STON1: variants seen among roughly 807,000 people sequenced by gnomAD.
STON1 encodes the protein stonin-1.
Under a neutral mutation model 60.9 loss-of-function variants are expected in STON1, and 79 were observed. That is an observed-to-expected ratio of 1.30 (90% CI 1.08 to 1.56). The LOEUF is 1.56. Ranked by LOEUF, STON1 falls within the 40% of genes most tolerant of loss-of-function variation. STON1 has a pLI of 0.00. For missense variants in STON1, 1,166 were observed against 858.9 expected, an observed-to-expected ratio of 1.36 and a Z score of -4.47; for synonymous variants, 363 against 306.9, an observed-to-expected ratio of 1.18 and a Z score of -1.91.
chr2:48,560,528 A>C (rs1306695368), intron 1 of STON1, among the ~76,000 whole-genome samples: 2 of 152,198 alleles, frequency 1.3e-5, no homozygotes, highest in East Asian at 1.9e-4. Context: ...TCTTTGCCTG[A>C]ACGAAGCCTG....
At chr2:48,564,931 C>G (rs980685322) in intron 1 of STON1, among the ~76,000 whole-genome samples, 1 of 148,518 alleles carries the variant, frequency 6.7e-6, no homozygotes, top group African/African-American at 2.5e-5. Context: ...CGGGGTTTCA[C>G]CATGTTGGGC....
Position 48,582,680 on chromosome 2 carries a change from T to C in STON1, c.1930+117T>C. The C allele has an allele frequency of 2.0e-6, 3 of 1,468,940 alleles. No individual in the cohort carries two copies. In the South Asian group the frequency reaches 4.3e-5, roughly 21 times the overall value. 91.0% of individuals were successfully genotyped at this position (1,468,940 alleles called of 1,614,324 possible). On this transcript the variant is annotated intron_variant, in intron 2 of 3. Coordinates refer to ENST00000404752, the MANE Select transcript of STON1 (RefSeq NM_006873.4). ...GGCAATTTGTCAGCTGAGGCTGTGC[T>C]TTGGGGTAGGAGATGGAACATTTAG...
intron 1 of STON1, among the ~76,000 whole-genome samples, chr2:48,561,627 G>A (rs965375892): frequency 3.3e-5 from 5 of 152,178 alleles, no homozygotes; most frequent in African/African-American, 1.2e-4. Flanking sequence ...ATGTTTAGCA[G>A]CATCTCTGGC....
chr2:48,587,519 C>T (rs544297433), intron 2 of STON1, among the ~76,000 whole-genome samples: 4 of 152,320 alleles, frequency 2.6e-5, no homozygotes, highest in South Asian at 4.1e-4. Context: ...TCTCAAACTC[C>T]TGACCTCGTG....
Position 48,580,552 on chromosome 2 carries a change from A to G in STON1, c.-47-35A>G, listed in dbSNP as rs917675988. On this transcript the variant is annotated intron_variant, in intron 1 of 3. Transcript: ENST00000404752. ...GTAATGATTCCCCCCTTCATTTTAT[A>G]TACCTATTTTCTCTTTATTTTATTT... 9 of 1,315,194 alleles carry G rather than the reference A, an allele frequency of 6.8e-6. No individual in the cohort carries two copies. The Admixed American group carries it at 9.2e-5, about 13-fold the overall frequency. The allele number at this position is 1,315,194 out of a possible 1,614,324, so 81.5% of individuals were successfully genotyped here.
rs771773154 is a variant in STON1, at chr2:48,581,694, A to T, written c.1061A>T (p.Tyr354Phe). 1 of 1,611,956 alleles carries T rather than the reference A, an allele frequency of 6.2e-7. No individual in the cohort carries two copies. The highest frequency in any genetic ancestry group is 1.1e-5 in the South Asian group (1 of 90,472). The change falls in exon 2 of 4, where the codon TAC becomes TTC. Residue 354 changes from tyrosine to phenylalanine, a missense_variant. By Grantham distance (22) the Tyr-to-Phe change is conservative. Coordinates refer to ENST00000404752, the MANE Select transcript of STON1 (RefSeq NM_006873.4). ...ACTGTGAAGATTGAACATGTGTCTT[A>T]CACAGAAAAAAGGAAATACCATTCT... ...IHTVKIEHVS[Y>F]TEKRKYHSKT... is the part of the protein sequence containing the mutation.
chr2:48,530,329 C>G, intron 1 of STON1, 113 bp downstream of exon 1: 1 of 287,942 alleles, frequency 3.5e-6, no homozygotes, highest in East Asian at 1.5e-4. Context: ...ACGCGGGCAT[C>G]TCCAGGGCCG....
In STON1 at chr2:48,595,485, T is replaced by G; in HGVS notation, c.*183T>G. 1.1e-5 allele frequency: 6 copies of G among 569,224 alleles called. No homozygotes were observed. The highest frequency in any genetic ancestry group is 1.8e-5 in the Non-Finnish European group (6 of 324,388). The allele number at this position is 569,224 out of a possible 1,614,324, so 35.3% of individuals were successfully genotyped here. Reference sequence around the variant, plus strand: ...CAATCTGTATTTTTTGCTTTTCATGTGTTTTTGTCCTAGGGGTTCGATCTA... The same window carrying G: ...CAATCTGTATTTTTTGCTTTTCATGGGTTTTTGTCCTAGGGGTTCGATCTA... On this transcript the variant is annotated 3_prime_UTR_variant, in exon 4 of 4. Coordinates refer to ENST00000404752, the MANE Select transcript of STON1 (RefSeq NM_006873.4).
chr2:48,558,966 A>T (rs1558596452), intron 1 of STON1, among the ~76,000 whole-genome samples: 1 of 152,332 alleles, frequency 6.6e-6, no homozygotes, highest in East Asian at 1.9e-4. Flanking sequence ...GACCTTTTCG[A>T]ATGCTGACCT....
Position 48,597,190 on chromosome 2 carries a change from A to AGGC in STON1, c.*1888_*1889insGGC, listed in dbSNP as rs1674818237. The AGGC allele has an allele frequency of 6.6e-6, 1 of 152,164 alleles. No homozygotes were observed. Among genetic ancestry groups the AGGC allele is most frequent in the Non-Finnish European group, 1.5e-5 (1 of 68,036 alleles). 9.4% of individuals were successfully genotyped at this position (152,164 alleles called of 1,614,324 possible). A position where few individuals can be genotyped will look rare whatever the true frequency, so the allele number is the denominator to read the frequency against. ...TTTAACTTCATTTGATGCCTTGCTT[A>AGGC]TAATATCATATGCTTGAGGCTCACT... On this transcript the variant is annotated 3_prime_UTR_variant, in exon 4 of 4. Transcript: ENST00000404752.
Position 48,597,453 on chromosome 2 carries a change from T to C in STON1, c.*2151T>C, listed in dbSNP as rs1674830566. ...GCCCACAAAGAACTCACAGTCTGAT[T>C]AGGATGAACTTAATGACTATTTACA... On this transcript the variant is annotated 3_prime_UTR_variant, in exon 4 of 4. Coordinates refer to ENST00000404752, the MANE Select transcript of STON1 (RefSeq NM_006873.4). 1 of 152,176 alleles carries C rather than the reference T, an allele frequency of 6.6e-6. No homozygotes were observed. Among genetic ancestry groups the C allele is most frequent in the South Asian group, 2.1e-4 (1 of 4,834 alleles). 9.4% of individuals were successfully genotyped at this position (152,176 alleles called of 1,614,324 possible).
chr2:48,586,589 G>T (rs769405305), intron 2 of STON1, among the ~76,000 whole-genome samples: 1 of 152,216 alleles, frequency 6.6e-6, no homozygotes, highest in African/African-American at 2.4e-5. Flanking sequence ...AGAACCACAG[G>T]TGTGTGGGTG....
At chr2:48,584,667 C>T (rs1464321316) in intron 2 of STON1, among the ~76,000 whole-genome samples, 1 of 132,664 alleles carries the variant, frequency 7.5e-6, no homozygotes, top group African/African-American at 2.8e-5. Flanking sequence ...CGGGGGTGGG[C>T]GGTGGGGAGG....
intron 1 of STON1, among the ~76,000 whole-genome samples, chr2:48,564,608 CCTT>C (rs1672842524): frequency 1.3e-5 from 1 of 74,594 alleles, no homozygotes. Flanking sequence ...TCCTCCTTCT[CCTT>C]CTCCTTCTCC....
At position 48,597,952 on chromosome 2, in the gene STON1, A is replaced by C. The variant is rs2103979269; in HGVS notation, c.*2650A>C. On this transcript the variant is annotated 3_prime_UTR_variant, in exon 4 of 4. Coordinates refer to ENST00000404752, the MANE Select transcript of STON1 (RefSeq NM_006873.4). ...TTTTAGGGGAGGGAAGCGGGGAAGG[A>C]AAGGAATGAGGGAGGAAATATTCCT... 1 of 152,292 alleles carries C rather than the reference A, an allele frequency of 6.6e-6. No homozygotes were observed. The highest frequency in any genetic ancestry group is 2.4e-5 in the African/African-American group (1 of 41,570). The allele number at this position is 152,292 out of a possible 1,614,324, so 9.4% of individuals were successfully genotyped here.
At chr2:48,559,493 T>C (rs1052039903) in intron 1 of STON1, among the ~76,000 whole-genome samples, 1 of 152,166 alleles carries the variant, frequency 6.6e-6, no homozygotes, top group African/African-American at 2.4e-5. Flanking sequence ...CCTTATGACC[T>C]AATCACCTCC....
intron 1 of STON1, 41 bp from the exon 2 acceptor site, chr2:48,580,546 T>A: frequency 7.6e-7 from 1 of 1,310,916 alleles, no homozygotes. Context: ...CCCCCCTTCA[T>A]TTTATATACC....
At chr2:48,549,667 C>T (rs1672008849) in intron 1 of STON1, among the ~76,000 whole-genome samples, 1 of 151,706 alleles carries the variant, frequency 6.6e-6, no homozygotes, top group East Asian at 1.9e-4. Context: ...CAAAAATTAC[C>T]CGGGTGTGGT....
intron 1 of STON1, among the ~76,000 whole-genome samples, chr2:48,552,536 G>C (rs1204877613): frequency 1.3e-5 from 2 of 152,146 alleles, no homozygotes; most frequent in Non-Finnish European, 2.9e-5. Context: ...GCCGAGGTGG[G>C]CAGGTCTCCT....
Sources: gnomAD v4.1 joint callset for allele counts (sites outside exome capture counted in the v4.1 genomes callset) on GRCh38, gnomAD v4.1.1 for gene constraint, MANE v1.5 for transcripts, NCBI Gene and HGNC (gene_info 2026-07-23, HGNC 2026-07-21) for gene names.